The following SHANK2 variants were observed in gnomAD, a reference collection of about 807,000 sequenced individuals.
SHANK2 encodes the protein SH3 and multiple ankyrin repeat domains protein 2.
In SHANK2, 43 loss-of-function variants were observed where a neutral mutation model predicts 133.7. That is an observed-to-expected ratio of 0.32 (90% confidence interval 0.25 to 0.41). The LOEUF is 0.41. Ranked by LOEUF, SHANK2 falls within the 10% of genes least tolerant of loss-of-function variation. The pLI is 1.00. For missense variants in SHANK2, 1,994 were observed against 2,235.8 expected (o/e 0.89, Z 2.18); for synonymous variants, 1,017 against 952.8 (o/e 1.07, Z -1.24).
intron 6 of SHANK2, among the ~76,000 whole-genome samples, chr11:71,103,854 C>T (rs1423084048): frequency 1.6e-5 from 2 of 121,650 alleles, no homozygotes; most frequent in Admixed American, 1.7e-4. Context: ...CCCTCCCCCC[C>T]TCCCCTTCTC....
chr11:70,475,622 A>G (rs2058652843), intron 25 of SHANK2, among the ~76,000 whole-genome samples: 1 of 152,136 alleles, frequency 6.6e-6, no homozygotes, highest in Non-Finnish European at 1.5e-5. Context: ...AGGAGGGGCA[A>G]ATCTGAAAGG....
intron 17 of SHANK2, among the ~76,000 whole-genome samples, chr11:70,512,360 G>GT (rs2059215319): frequency 6.6e-6 from 1 of 152,064 alleles, no homozygotes; most frequent in Non-Finnish European, 1.5e-5. Flanking sequence ...TGTTTTCCCA[G>GT]TACCACCATC....
chr11:70,809,784 C>A (rs1392173036), intron 12 of SHANK2, among the ~76,000 whole-genome samples: 2 of 152,172 alleles, frequency 1.3e-5, no homozygotes, highest in Non-Finnish European at 2.9e-5. Context: ...AACAGGTGGG[C>A]GTCTTGGATG....
At chr11:70,640,452 G>C (rs1384598872) in intron 17 of SHANK2, among the ~76,000 whole-genome samples, 1 of 152,230 alleles carries the variant, frequency 6.6e-6, no homozygotes, top group African/African-American at 2.4e-5. Flanking sequence ...GCAGGGCCCT[G>C]CCAGGCCCTG....
chr11:71,132,940 G>A (rs1354426379), intron 3 of SHANK2, among the ~76,000 whole-genome samples: 14 of 152,194 alleles, frequency 9.2e-5, no homozygotes, highest in Non-Finnish European at 1.9e-4. Flanking sequence ...AGGGAAGGCT[G>A]AGGGGCTGGG....
chr11:70,502,629 TG>T lies in SHANK2; in HGVS notation c.2197+166del, dbSNP rs1199989157. 2.3e-4 allele frequency among the ~76,000 whole-genome samples: 35 copies of T among 151,998 alleles called. 2 individuals are homozygous for T. Among genetic ancestry groups the T allele is most frequent in the Admixed American group, 2.3e-3 (35 of 15,268 alleles). ...CGGCAGCGTGTGAGCCCCAAGTCAT[TG>T]TCGTGGGCTCTGGCGGTAAATTCCA... On this transcript the variant is annotated intron_variant, in intron 18 of 25. Coordinates refer to ENST00000601538, the MANE Select transcript of SHANK2 (RefSeq NM_012309.5).
intron 14 of SHANK2, among the ~76,000 whole-genome samples, chr11:70,725,725 G>A (rs1372658098): frequency 1.0e-5 from 1 of 97,186 alleles, no homozygotes. Context: ...CTTCTTGTCA[G>A]CACATTGTCG....
intron 14 of SHANK2, among the ~76,000 whole-genome samples, chr11:70,769,612 C>T (rs553243222): frequency 6.6e-5 from 10 of 152,262 alleles, no homozygotes; most frequent in East Asian, 3.9e-4. Flanking sequence ...ATGGCATGTG[C>T]GTGCATGCAC....
chr11:70,515,399 C>G (rs577081186), intron 17 of SHANK2, among the ~76,000 whole-genome samples: 3 of 152,234 alleles, frequency 2.0e-5, no homozygotes, highest in Non-Finnish European at 2.9e-5. Flanking sequence ...ATTTTATACA[C>G]AGTAGACCGT....
At chr11:70,632,988 C>A (rs533502539) in intron 17 of SHANK2, among the ~76,000 whole-genome samples, 1 of 151,924 alleles carries the variant, frequency 6.6e-6, no homozygotes, top group East Asian at 1.9e-4. Context: ...CAAGGACAGG[C>A]GCAGGTGCTC....
intron 6 of SHANK2, among the ~76,000 whole-genome samples, chr11:71,108,608 G>C (rs1951837210): frequency 6.6e-6 from 1 of 152,188 alleles, no homozygotes; most frequent in South Asian, 2.1e-4. Flanking sequence ...GCCCAGCCTT[G>C]TCCACGTCAC....
rs58764364 is a variant in SHANK2 at position 70,952,678 on chromosome 11, T to C, written c.1108-56111A>G. The C allele has an allele frequency of 1.9e-3, 622 of 325,412 alleles. 6 individuals are homozygous for C. The highest frequency in any genetic ancestry group is 0.012 in the African/African-American group (548 of 45,650). The allele number at this position is 325,412 out of a possible 1,614,324, so 20.2% of individuals were successfully genotyped here. On this transcript the variant is annotated intron_variant, in intron 10 of 25. Coordinates refer to ENST00000601538, the MANE Select transcript of SHANK2 (RefSeq NM_012309.5). ...GCACCCAAGCTGCTGACGATTTTCA[T>C]GCAAAGGTGAGGCTGCTTCAGGGCA...
At chr11:70,555,038 C>T (rs1254276607) in intron 17 of SHANK2, among the ~76,000 whole-genome samples, 1 of 151,878 alleles carries the variant, frequency 6.6e-6, no homozygotes, top group Non-Finnish European at 1.5e-5. Context: ...ATATTCCAAA[C>T]TTTCTGTCTG....
intron 17 of SHANK2, among the ~76,000 whole-genome samples, chr11:70,635,675 AT>A (rs1555003747): frequency 6.6e-6 from 1 of 152,120 alleles, no homozygotes; most frequent in Non-Finnish European, 1.5e-5. Flanking sequence ...ACTGAAATGT[AT>A]ACTTAAAAAT....
chr11:70,725,615 C>A (rs1946163717), intron 14 of SHANK2, among the ~76,000 whole-genome samples: 1 of 152,212 alleles, frequency 6.6e-6, no homozygotes, highest in Non-Finnish European at 1.5e-5. Flanking sequence ...CCCAATACCG[C>A]ACGATCCCAA....
intron 14 of SHANK2, among the ~76,000 whole-genome samples, chr11:70,788,316 G>C (rs1375915830): frequency 6.6e-6 from 1 of 152,188 alleles, no homozygotes; most frequent in African/African-American, 2.4e-5. Context: ...CTTTATCCAT[G>C]GTTTCACTTT....
At chr11:70,477,059 C>T (rs782029474) in intron 25 of SHANK2, among the ~76,000 whole-genome samples, 4 of 152,142 alleles carry the variant, frequency 2.6e-5, no homozygotes, top group Non-Finnish European at 4.4e-5. Flanking sequence ...GGTTAGGAAG[C>T]GAAGAGGAGG....
intron 1 of SHANK2, among the ~76,000 whole-genome samples, chr11:71,242,609 A>G (rs905823541): frequency 4.3e-4 from 66 of 151,992 alleles, no homozygotes; most frequent in Non-Finnish European, 1.2e-4. Flanking sequence ...CTCCCACACT[A>G]CATCACTGCT....
At chr11:71,176,353 TA>T (rs1202389424) in intron 2 of SHANK2, among the ~76,000 whole-genome samples, 1 of 152,060 alleles carries the variant, frequency 6.6e-6, no homozygotes, top group Non-Finnish European at 1.5e-5. Context: ...ATTCAATTAA[TA>T]AAACAATGAA....
Sources: allele counts gnomAD v4.1 joint callset (sites outside exome capture counted in the v4.1 genomes callset), GRCh38; gene constraint gnomAD v4.1.1; transcripts MANE v1.5; gene names NCBI Gene and HGNC (gene_info 2026-07-23, HGNC 2026-07-21).